POU6F2: variants seen among roughly 807,000 people sequenced by gnomAD.
POU6F2 encodes the protein POU domain, class 6, transcription factor 2.
POU6F2 carries 31 observed loss-of-function variants against 71.3 expected under a neutral mutation model. The ratio of observed to expected loss-of-function variants is 0.43; its 90% CI spans 0.33 to 0.59. The LOEUF is 0.59. Ranked by LOEUF, POU6F2 falls within the 20% of genes least tolerant of loss-of-function variation. The pLI, the probability that POU6F2 is intolerant of heterozygous loss-of-function variation, is 0.04. For missense variants in POU6F2, 783 were observed against 856.8 expected (o/e 0.91, Z 1.07); for synonymous variants, 347 against 355.7 (o/e 0.98, Z 0.27).
rs1031263093 is a variant in POU6F2 at position 39,044,990 on chromosome 7, T to C, written c.106-40870T>C. Among the ~76,000 whole-genome samples, 4 of 151,902 alleles carry C rather than the reference T, an allele frequency of 2.6e-5. No homozygotes were observed. In the East Asian group the frequency reaches 7.8e-4, roughly 29 times the overall value. On this transcript the variant is annotated intron_variant, in intron 1 of 9. Coordinates refer to ENST00000518318, the MANE Select transcript of POU6F2 (RefSeq NM_001370959.1). ...AACCCTCACCAGATGCAAATCTTAT[T>C]TGATCAATTTTGCAATGCTTCTTGT... is the stretch of plus-strand genomic sequence containing the variant.
chr7:39,435,547 G>T (rs1399298824), intron 7 of POU6F2, among the ~76,000 whole-genome samples: 5 of 152,272 alleles, frequency 3.3e-5, no homozygotes, highest in Admixed American at 6.5e-5. Context: ...CAGATGGATA[G>T]ATTGCAAAAA....
chr7:39,227,853 G>A (rs939501280), intron 4 of POU6F2, among the ~76,000 whole-genome samples: 10 of 152,074 alleles, frequency 6.6e-5, no homozygotes, highest in African/African-American at 1.4e-4. Flanking sequence ...CACCGTGCCC[G>A]GCAACATTGG....
chr7:39,159,403 T>G (rs1316443972), intron 2 of POU6F2, among the ~76,000 whole-genome samples: 2 of 152,190 alleles, frequency 1.3e-5, no homozygotes, highest in African/African-American at 4.8e-5. Context: ...CTCCCCTGCA[T>G]CTAAGCACCG....
chr7:39,012,823 C>G (rs1789338345), intron 1 of POU6F2, among the ~76,000 whole-genome samples: 1 of 151,808 alleles, frequency 6.6e-6, no homozygotes, highest in Admixed American at 6.6e-5. Flanking sequence ...GGGTGCCTCC[C>G]AGTTAGGCTG....
intron 2 of POU6F2, among the ~76,000 whole-genome samples, chr7:39,174,520 C>T (rs535455503): frequency 2.0e-5 from 3 of 152,150 alleles, no homozygotes; most frequent in South Asian, 4.2e-4. Flanking sequence ...AAAACACCTG[C>T]AAACTTATCT....
intron 4 of POU6F2, among the ~76,000 whole-genome samples, chr7:39,215,390 T>A (rs1035390626): frequency 5.3e-5 from 8 of 152,044 alleles, no homozygotes; most frequent in African/African-American, 1.7e-4. Context: ...AAGAGCAAAA[T>A]CTTTTTAATA....
At chr7:39,023,251 G>T (rs1029238952) in intron 1 of POU6F2, among the ~76,000 whole-genome samples, 1 of 152,008 alleles carries the variant, frequency 6.6e-6, no homozygotes, top group South Asian at 2.1e-4. Context: ...TTGGATATAT[G>T]TATTGTGGAT....
chr7:39,269,473 G>A (rs559879628), intron 4 of POU6F2, among the ~76,000 whole-genome samples: 69 of 152,350 alleles, frequency 4.5e-4, no homozygotes, highest in Non-Finnish European at 7.3e-4. Flanking sequence ...GGTCGGCTGG[G>A]CGGCAGGGCT....
intron 4 of POU6F2, among the ~76,000 whole-genome samples, chr7:39,242,959 A>T (rs953609485): frequency 1.2e-4 from 19 of 152,256 alleles, no homozygotes; most frequent in Middle Eastern, 6.8e-3. Flanking sequence ...AGTAAGTGAC[A>T]TCTGGAGGAT....
intron 5 of POU6F2, among the ~76,000 whole-genome samples, chr7:39,363,165 A>G (rs1786427557): frequency 6.6e-6 from 1 of 152,224 alleles, no homozygotes; most frequent in Admixed American, 6.5e-5. Flanking sequence ...ACCATGTTGT[A>G]CGTGGTGGAG....
intron 2 of POU6F2, among the ~76,000 whole-genome samples, chr7:39,126,951 A>G (rs1187630284): frequency 1.3e-5 from 2 of 152,250 alleles, no homozygotes; most frequent in Non-Finnish European, 2.9e-5. Context: ...TAGAAATTAA[A>G]TGCAAGCCAA....
chr7:39,328,109 T>C (rs768896333), intron 4 of POU6F2, among the ~76,000 whole-genome samples: 26 of 152,124 alleles, frequency 1.7e-4, no homozygotes, highest in Admixed American at 5.2e-4. Context: ...TTAGGAGAGA[T>C]GGGGTTTCAC....
chr7:39,376,898 G>A (rs1786720783), intron 5 of POU6F2, among the ~76,000 whole-genome samples: 1 of 148,706 alleles, frequency 6.7e-6, no homozygotes, highest in Admixed American at 6.7e-5. Flanking sequence ...TATTTATTCA[G>A]TATTTTTATA....
chr7:39,310,985 G>T (rs1263417321), intron 4 of POU6F2, among the ~76,000 whole-genome samples: 1 of 152,144 alleles, frequency 6.6e-6, no homozygotes, highest in African/African-American at 2.4e-5. Context: ...TCCTGAATTG[G>T]GGGGACAGTT....
chr7:39,029,928 A>C (rs548014157), intron 1 of POU6F2, among the ~76,000 whole-genome samples: 1 of 152,192 alleles, frequency 6.6e-6, no homozygotes, highest in South Asian at 2.1e-4. Context: ...ATACACTACT[A>C]GATTCTGCTT....
chr7:38,983,286 A>T (rs1220719828), intron 1 of POU6F2, among the ~76,000 whole-genome samples: 1 of 152,082 alleles, frequency 6.6e-6, no homozygotes, highest in African/African-American at 2.4e-5. Flanking sequence ...CTTGGGAGAT[A>T]ATAGCTGCTC....
intron 2 of POU6F2, among the ~76,000 whole-genome samples, chr7:39,150,266 C>G (rs1792729185): frequency 1.4e-5 from 1 of 73,944 alleles, no homozygotes; most frequent in African/African-American, 6.5e-5. Context: ...TGTGTAGCAT[C>G]TAGGTTGTTT....
chr7:39,366,805 G>T (rs1220127743), intron 5 of POU6F2, among the ~76,000 whole-genome samples: 5 of 152,118 alleles, frequency 3.3e-5, no homozygotes, highest in African/African-American at 1.2e-4. Context: ...GGGGAGGCAG[G>T]GGAGGAGATG....
chr7:39,066,770 G>A (rs938427914), intron 1 of POU6F2, among the ~76,000 whole-genome samples: 3 of 150,176 alleles, frequency 2.0e-5, no homozygotes, highest in African/African-American at 7.3e-5. Context: ...GTTCATCTGG[G>A]AAATAAAGAG....
Sources: gnomAD v4.1 joint callset for allele counts (sites outside exome capture counted in the v4.1 genomes callset) on GRCh38, gnomAD v4.1.1 for gene constraint, MANE v1.5 for transcripts, NCBI Gene and HGNC (gene_info 2026-07-23, HGNC 2026-07-21) for gene names.